CDH4: variants seen among roughly 807,000 people sequenced by gnomAD.
CDH4 encodes cadherin-4.
Under a neutral mutation model 86.0 loss-of-function variants are expected in CDH4, and 33 were observed. The observed-to-expected ratio is 0.38, with a 90% CI of 0.29 to 0.51. CDH4 has a LOEUF of 0.51. Ranked by LOEUF, CDH4 falls within the 20% of genes least tolerant of loss-of-function variation. CDH4 has a pLI of 0.86. For missense variants in CDH4, 1,114 were observed against 1,307.4 expected, an observed-to-expected ratio of 0.85 and a Z score of 2.28; for synonymous variants, 555 against 549.4, an observed-to-expected ratio of 1.01 and a Z score of -0.14.
chr20:61,279,634 C>G (rs1250085363), intron 2 of CDH4, among the ~76,000 whole-genome samples: 16 of 152,172 alleles, frequency 1.1e-4, no homozygotes, highest in Non-Finnish European at 2.4e-4. Flanking sequence ...AGCAGTGAAG[C>G]CAGGACTGGG....
intron 4 of CDH4, among the ~76,000 whole-genome samples, chr20:61,802,392 G>T (rs901834281): frequency 6.6e-6 from 1 of 152,224 alleles, no homozygotes; most frequent in African/African-American, 2.4e-5. Flanking sequence ...CGAGAACCTC[G>T]TGGGGGTCAG....
chr20:61,495,214 GT>G (rs2145593133), intron 2 of CDH4, among the ~76,000 whole-genome samples: 1 of 152,368 alleles, frequency 6.6e-6, no homozygotes, highest in South Asian at 2.1e-4. Flanking sequence ...AGTCTGTGAT[GT>G]GTCAGGCATG....
chr20:61,767,999 C>T (rs1484251700), intron 3 of CDH4, among the ~76,000 whole-genome samples: 10 of 152,194 alleles, frequency 6.6e-5, no homozygotes, highest in Non-Finnish European at 1.3e-4. Context: ...CCTTGGAGCT[C>T]CTGATTCTGC....
chr20:61,615,246 C>T (rs903191346), intron 2 of CDH4, among the ~76,000 whole-genome samples: 6 of 151,964 alleles, frequency 3.9e-5, no homozygotes, highest in African/African-American at 9.7e-5. Flanking sequence ...CTCAGCCTCC[C>T]GAGTATCTGG....
rs554807088 is a variant in CDH4 at position 61,448,680 on chromosome 20, C to T, written c.169+193743C>T. Among the ~76,000 whole-genome samples the T allele has an allele frequency of 4.6e-5, 7 of 152,220 alleles. No individual in the cohort carries two copies. The South Asian group carries it at 1.5e-3, about 32-fold the overall frequency. ...GTGGTAGAAAATGACTTAAATAGAC[C>T]TAGCCTCCGAAATCGTCACTGTGTT... On this transcript the variant is annotated intron_variant, in intron 2 of 15. Transcript: ENST00000614565.
At chr20:61,748,949 T>C (rs1863817033) in intron 3 of CDH4, among the ~76,000 whole-genome samples, 1 of 152,222 alleles carries the variant, frequency 6.6e-6, no homozygotes, top group Admixed American at 6.5e-5. Context: ...TTTAAAAAAT[T>C]GATGGATAAA....
intron 2 of CDH4, among the ~76,000 whole-genome samples, chr20:61,411,864 C>T (rs2085121584): frequency 6.6e-6 from 1 of 152,220 alleles, no homozygotes; most frequent in Admixed American, 6.5e-5. Context: ...TGCCCACAGG[C>T]AGTGGGGCTG....
chr20:61,761,030 C>A (rs1285488662), intron 3 of CDH4, among the ~76,000 whole-genome samples: 1 of 152,210 alleles, frequency 6.6e-6, no homozygotes, highest in African/African-American at 2.4e-5. Flanking sequence ...TAGAAGGCTG[C>A]AGACAATATC....
intron 4 of CDH4, among the ~76,000 whole-genome samples, chr20:61,799,712 T>C (rs1022438661): frequency 2.0e-5 from 3 of 152,300 alleles, no homozygotes; most frequent in Admixed American, 2.0e-4. Context: ...CCATCTCTCC[T>C]GGGTCCTTCA....
At position 61,556,996 on chromosome 20, in the gene CDH4, C is replaced by T. The variant is rs571309588; in HGVS notation, c.170-186567C>T. ...CAATTTAATCGAAAGAAAAGCTTCT[C>T]TCTGGGGCTTTCCAAATGTGAGGTC... On this transcript the variant is annotated intron_variant, in intron 2 of 15. Coordinates refer to ENST00000614565, the MANE Select transcript of CDH4 (RefSeq NM_001794.5). Among the ~76,000 whole-genome samples, 42 of 152,280 alleles carry T rather than the reference C, an allele frequency of 2.8e-4. 1 individual carries two copies. The South Asian group carries it at 8.3e-3, about 30-fold the overall frequency.
At chr20:61,346,371 T>C (rs1030853244) in intron 2 of CDH4, among the ~76,000 whole-genome samples, 3 of 152,152 alleles carry the variant, frequency 2.0e-5, no homozygotes, top group South Asian at 2.1e-4. Context: ...AGCAAGGAGC[T>C]TGGGCTGCAT....
intron 7 of CDH4, among the ~76,000 whole-genome samples, chr20:61,880,161 G>C (rs1600732187): frequency 1.3e-5 from 2 of 152,150 alleles, no homozygotes; most frequent in Non-Finnish European, 2.9e-5. Context: ...GAAAGTGTTC[G>C]TCGGTGACCA....
intron 2 of CDH4, among the ~76,000 whole-genome samples, chr20:61,504,649 G>A (rs911309300): frequency 1.3e-5 from 2 of 152,196 alleles, no homozygotes; most frequent in East Asian, 1.9e-4. Context: ...CCAGCCCCTC[G>A]TTAAACATCC....
intron 2 of CDH4, among the ~76,000 whole-genome samples, chr20:61,261,848 T>G (rs564709508): frequency 6.6e-5 from 10 of 152,250 alleles, no homozygotes; most frequent in African/African-American, 1.9e-4. Flanking sequence ...TCAACTGAAG[T>G]GGGTCTAAAC....
At chr20:61,896,659 G>A (rs914226895) in intron 8 of CDH4, among the ~76,000 whole-genome samples, 1 of 152,234 alleles carries the variant, frequency 6.6e-6, no homozygotes, top group African/African-American at 2.4e-5. Flanking sequence ...GCGTTCAGAT[G>A]GTTTGGAAAA....
chr20:61,391,237 G>C lies in CDH4; in HGVS notation c.169+136300G>C, dbSNP rs1031244266. On this transcript the variant is annotated intron_variant, in intron 2 of 15. Coordinates refer to ENST00000614565, the MANE Select transcript of CDH4 (RefSeq NM_001794.5). ...CAGGAACGCAATAATTTACTCAAGT[G>C]GACAGAATTAGTGCCATTTAGGGAG... Among the ~76,000 whole-genome samples, 6 of 152,076 alleles carry C rather than the reference G, an allele frequency of 3.9e-5. No individual in the cohort carries two copies. The East Asian group carries it at 1.2e-3, about 29-fold the overall frequency.
intron 2 of CDH4, among the ~76,000 whole-genome samples, chr20:61,331,062 C>G (rs1355415518): frequency 6.6e-6 from 1 of 152,114 alleles, no homozygotes; most frequent in Non-Finnish European, 1.5e-5. Context: ...CCCACTAACA[C>G]CTGTGCGAGG....
At position 61,938,326 on chromosome 20, in the gene CDH4, C is replaced by T. The variant is rs1021866307; in HGVS notation, c.*1383C>T. 8 of 152,326 alleles carry T rather than the reference C, an allele frequency of 5.3e-5. No homozygotes were observed. The highest frequency in any genetic ancestry group is 1.9e-4 in the African/African-American group (8 of 41,464). 9.4% of individuals were successfully genotyped at this position (152,326 alleles called of 1,614,324 possible). On this transcript the variant is annotated 3_prime_UTR_variant, in exon 16 of 16. Coordinates refer to ENST00000614565, the MANE Select transcript of CDH4 (RefSeq NM_001794.5). ...TGAGAGGGTCTGTGTCCCGGCACCC[C>T]TGGGACAGCGCTCGGCTGCCTGTGC...
chr20:61,796,279 G>C (rs1245407157), intron 4 of CDH4, among the ~76,000 whole-genome samples: 1 of 152,074 alleles, frequency 6.6e-6, no homozygotes, highest in Non-Finnish European at 1.5e-5. Context: ...GCAGGACCCT[G>C]ACCCATCCCT....
Sources: gnomAD v4.1 joint callset for allele counts (sites outside exome capture counted in the v4.1 genomes callset) on GRCh38, gnomAD v4.1.1 for gene constraint, MANE v1.5 for transcripts, NCBI Gene and HGNC (gene_info 2026-07-23, HGNC 2026-07-21) for gene names.